The following PDE1C variants were observed in gnomAD, a reference collection of about 807,000 sequenced individuals.
PDE1C encodes dual specificity calcium/calmodulin-dependent 3',5'-cyclic nucleotide phosphodiesterase 1C.
In PDE1C, 62 loss-of-function variants were observed where a neutral mutation model predicts 93.1. The observed-to-expected ratio is 0.67, with a 90% CI of 0.54 to 0.82. The LOEUF is 0.82. PDE1C is among the 40% of genes least tolerant of loss of function. The pLI is 0.00. For synonymous variants in PDE1C, 325 were observed against 310.1 expected, an observed-to-expected ratio of 1.05 and a Z score of -0.50; for missense variants, 742 against 884.6, an observed-to-expected ratio of 0.84 and a Z score of 2.04.
At chr7:31,811,730 G>T (rs1787576887) in intron 15 of PDE1C, among the ~76,000 whole-genome samples, 1 of 152,076 alleles carries the variant, frequency 6.6e-6, no homozygotes, top group South Asian at 2.1e-4. Flanking sequence ...CGTGGAGATG[G>T]TTCCCTTTGC....
intron 2 of PDE1C, among the ~76,000 whole-genome samples, chr7:32,015,369 C>G (rs1787751459): frequency 6.6e-6 from 1 of 152,030 alleles, no homozygotes; most frequent in Non-Finnish European, 1.5e-5. Flanking sequence ...ATTCTCCACC[C>G]CAGGTGGCCT....
intron 1 of PDE1C, among the ~76,000 whole-genome samples, chr7:32,336,409 T>C (rs988027358): frequency 2.6e-5 from 4 of 152,180 alleles, no homozygotes; most frequent in Admixed American, 2.6e-4. Context: ...TTTTACCGCA[T>C]GTTGCCCTTA....
intron 2 of PDE1C, among the ~76,000 whole-genome samples, chr7:31,974,235 T>A (rs1584278210): frequency 6.6e-6 from 1 of 152,206 alleles, no homozygotes; most frequent in Non-Finnish European, 1.5e-5. Flanking sequence ...ATGATTTTTA[T>A]CAGGACAGAT....
At chr7:32,206,123 A>G (rs188947847) in intron 2 of PDE1C, among the ~76,000 whole-genome samples, 2 of 152,122 alleles carry the variant, frequency 1.3e-5, no homozygotes, top group African/African-American at 4.8e-5. Context: ...TGGACACAGA[A>G]TTCAAACCCC....
the PDE1C span, among the ~76,000 whole-genome samples, chr7:31,715,243 CTCTT>C: frequency 2.0e-5 from 3 of 150,364 alleles, no homozygotes; most frequent in Non-Finnish European, 3.0e-5. Flanking sequence ...ATGTAAAGGC[CTCTT>C]TTTTTTTTTG....
At chr7:31,875,327 C>A (rs1796414577) in intron 5 of PDE1C, among the ~76,000 whole-genome samples, 1 of 152,120 alleles carries the variant, frequency 6.6e-6, no homozygotes, top group Non-Finnish European at 1.5e-5. Flanking sequence ...ACTTAGAGAA[C>A]AAAGAGGATG....
intron 1 of PDE1C, among the ~76,000 whole-genome samples, chr7:32,064,677 T>C (rs1795175512): frequency 6.7e-6 from 1 of 148,838 alleles, no homozygotes; most frequent in Admixed American, 6.7e-5. Context: ...AAAAATATTA[T>C]GTATCATAAA....
chr7:31,652,857 C>T, the PDE1C span: 10 of 1,597,302 alleles, frequency 6.3e-6, no homozygotes, highest in Non-Finnish European at 6.0e-6. Context: ...AACCTTCATA[C>T]AAAATATAAA....
At chr7:32,043,377 T>C (rs552578226) in intron 2 of PDE1C, among the ~76,000 whole-genome samples, 15 of 152,294 alleles carry the variant, frequency 9.8e-5, no homozygotes, top group African/African-American at 3.6e-4. Context: ...ATTTAGAGAT[T>C]TGCCTCCTCA....
downstream of PDE1C, among the ~76,000 whole-genome samples, chr7:31,746,701 G>A (rs1794013746): frequency 6.6e-6 from 1 of 152,194 alleles, no homozygotes; most frequent in African/African-American, 2.4e-5. Flanking sequence ...AGCTTCCTCT[G>A]AGACTTCAGG....
intron 2 of PDE1C, among the ~76,000 whole-genome samples, chr7:31,895,903 A>G (rs1799247013): frequency 6.6e-6 from 1 of 152,066 alleles, no homozygotes; most frequent in African/African-American, 2.4e-5. Context: ...TGGAACTGTG[A>G]GTCCATTAAA....
chr7:31,874,374 C>A (rs984644566), intron 5 of PDE1C, among the ~76,000 whole-genome samples: 1 of 152,226 alleles, frequency 6.6e-6, no homozygotes, highest in Non-Finnish European at 1.5e-5. Context: ...CAAAATCTCA[C>A]TTCCCGTGGT....
intron 1 of PDE1C, among the ~76,000 whole-genome samples, chr7:32,318,239 G>A (rs1440360726): frequency 6.6e-6 from 1 of 152,122 alleles, no homozygotes. Context: ...CCCACACCTA[G>A]GGGCAACTTG....
the PDE1C span, among the ~76,000 whole-genome samples, chr7:31,713,781 T>C: frequency 1.3e-5 from 2 of 152,202 alleles, 1 homozygote; most frequent in South Asian, 4.1e-4. Context: ...GGGCTTGCAC[T>C]CTCTGAAGCC....
At chr7:32,181,235 T>G (rs1231680337) in intron 2 of PDE1C, among the ~76,000 whole-genome samples, 1 of 152,222 alleles carries the variant, frequency 6.6e-6, no homozygotes, top group South Asian at 2.1e-4. Context: ...ATTAGACAGA[T>G]CAACGAGACA....
chr7:31,971,403 G>C (rs1218633576), intron 2 of PDE1C, among the ~76,000 whole-genome samples: 2 of 152,156 alleles, frequency 1.3e-5, no homozygotes, highest in Non-Finnish European at 2.9e-5. Context: ...ATGTGATCTT[G>C]AGTGAGTTAT....
At chr7:31,795,141 A>T (rs1304276331) in intron 16 of PDE1C, among the ~76,000 whole-genome samples, 1 of 151,972 alleles carries the variant, frequency 6.6e-6, no homozygotes, top group Non-Finnish European at 1.5e-5. Flanking sequence ...TGAATACTGC[A>T]TTTAATAGCT....
chr7:32,408,091 A>C (rs1169393228), intron 1 of PDE1C, among the ~76,000 whole-genome samples: 5 of 152,230 alleles, frequency 3.3e-5, no homozygotes, highest in African/African-American at 1.2e-4. Context: ...AAGAATGTTC[A>C]GGGTTAAGAA....
intron 16 of PDE1C, among the ~76,000 whole-genome samples, chr7:31,800,567 G>C (rs186224185): frequency 6.6e-6 from 1 of 151,352 alleles, no homozygotes; most frequent in Non-Finnish European, 1.5e-5. Context: ...TATTTTTGGA[G>C]TATCTAAGCT....
Sources: gnomAD v4.1 joint callset for allele counts (sites outside exome capture counted in the v4.1 genomes callset) on GRCh38, gnomAD v4.1.1 for gene constraint, MANE v1.5 for transcripts, NCBI Gene and HGNC (gene_info 2026-07-23, HGNC 2026-07-21) for gene names.